The following KLRG1 variants were observed in gnomAD, a reference collection of about 807,000 sequenced individuals.
The protein encoded by KLRG1 is killer cell lectin-like receptor subfamily G member 1.
In KLRG1, 16 loss-of-function variants were observed where a neutral mutation model predicts 21.8. The ratio of observed to expected loss-of-function variants is 0.73; its 90% CI spans 0.50 to 1.11. KLRG1 has a LOEUF of 1.11. Ranked by LOEUF, KLRG1 falls within the 50% of genes most tolerant of loss-of-function variation. KLRG1 has a pLI of 0.00. For missense variants in KLRG1, 173 were observed against 218.3 expected (o/e 0.79, Z 1.31); for synonymous variants, 69 against 75.9 (o/e 0.91, Z 0.47).
the KLRG1 span, among the ~76,000 whole-genome samples, chr12:9,180,331 C>T: frequency 2.6e-5 from 4 of 152,014 alleles, no homozygotes; most frequent in African/African-American, 9.7e-5. Context: ...AAAAAGAGCC[C>T]GCATCGCCAA....
At chr12:9,028,926 C>T in the KLRG1 span, 1 of 634,278 alleles carries the variant, frequency 1.6e-6, no homozygotes, top group Non-Finnish European at 3.0e-6. Context: ...ACCCAAAGCC[C>T]CTGCAACCTT....
the KLRG1 span, among the ~76,000 whole-genome samples, chr12:9,045,416 T>C: frequency 6.6e-6 from 1 of 152,086 alleles, no homozygotes. Context: ...ACATAAAACC[T>C]CATGATAACT....
chr12:9,067,847 A>G, the KLRG1 span: 2 of 1,611,656 alleles, frequency 1.2e-6, no homozygotes, highest in Non-Finnish European at 8.5e-7. Context: ...GATCTGTGAC[A>G]TTGGAAAGAA....
intron 1 of KLRG1, among the ~76,000 whole-genome samples, chr12:8,963,263 A>G (rs1946409977): frequency 6.6e-6 from 1 of 152,154 alleles, no homozygotes; most frequent in Non-Finnish European, 1.5e-5. Context: ...CCACTAAAAG[A>G]TATATTAAAG....
At position 8,992,309 on chromosome 12, in the gene KLRG1, G is replaced by C; in HGVS notation, c.186G>C (p.Gln62His). The C allele has an allele frequency of 6.2e-7, 1 of 1,603,352 alleles. No homozygotes were observed. The highest frequency in any genetic ancestry group is 8.5e-7 in the Non-Finnish European group (1 of 1,174,690). The stretch of plus-strand genomic sequence containing the variant: ...TGCTATACCAGTGGATCCTGTGCCA[G>C]GGTAAGTGCAAACTTAAACCAAAAT... ...SVLLYQWILCQGSNYSTCASC... is the reference protein window; with the variant it reads ...SVLLYQWILCHGSNYSTCASC... The change falls in exon 2 of 5, where the codon CAG becomes CAC. Residue 62 changes from glutamine to histidine, a missense_variant and splice_region_variant. By Grantham distance (24) the Gln-to-His change is conservative. Around this residue, in one of 3 missense-constraint regions of KLRG1, gnomAD observed 144 missense variants for 161.5 expected, o/e 0.89. Transcript: ENST00000356986.
At chr12:9,095,802 G>A in the KLRG1 span, 1 of 1,014,262 alleles carries the variant, frequency 9.9e-7, no homozygotes, top group East Asian at 2.8e-5. Flanking sequence ...GCCCAGGCCG[G>A]ACCGCGGACT....
the KLRG1 span, among the ~76,000 whole-genome samples, chr12:9,103,776 G>A: frequency 1.5e-4 from 23 of 152,124 alleles, no homozygotes; most frequent in Non-Finnish European, 2.9e-4. Flanking sequence ...ATATTCTGTT[G>A]TATTTATATA....
the KLRG1 span, chr12:9,148,969 T>G: frequency 6.2e-7 from 1 of 1,609,832 alleles, no homozygotes; most frequent in South Asian, 1.1e-5. Context: ...GCCTGTATGG[T>G]CCTCAAACAT....
chr12:9,099,506 T>A, the KLRG1 span: 2 of 1,609,056 alleles, frequency 1.2e-6, no homozygotes, highest in African/African-American at 1.3e-5. Flanking sequence ...GGGATTGAGA[T>A]GGAAAAATGG....
the KLRG1 span, chr12:9,192,556 T>C: frequency 1.2e-6 from 2 of 1,614,202 alleles, no homozygotes; most frequent in Non-Finnish European, 1.7e-6. Flanking sequence ...ATGGCCTGTC[T>C]ATTCAGTGTA....
At chr12:9,114,982 A>T in the KLRG1 span, among the ~76,000 whole-genome samples, 1 of 152,168 alleles carries the variant, frequency 6.6e-6, no homozygotes, top group Non-Finnish European at 1.5e-5. Flanking sequence ...CCCCCAGTGA[A>T]TTTATGCATC....
At chr12:9,143,449 T>C in the KLRG1 span, among the ~76,000 whole-genome samples, 1 of 151,940 alleles carries the variant, frequency 6.6e-6, no homozygotes, top group African/African-American at 2.4e-5. Context: ...AGGGCATTCA[T>C]CTGTAGGGTC....
At chr12:9,086,580 A>G in the KLRG1 span, among the ~76,000 whole-genome samples, 1 of 152,256 alleles carries the variant, frequency 6.6e-6, no homozygotes, top group African/African-American at 2.4e-5. Context: ...AGTATTTGAC[A>G]GAATTCAATG....
At chr12:8,971,077 G>T (rs1946559264) in intron 1 of KLRG1, 1 of 152,104 alleles carries the variant, frequency 6.6e-6, no homozygotes, top group South Asian at 2.1e-4. Context: ...TTTTTTGTCA[G>T]GTTTGGTATC....
At chr12:9,027,158 G>C in the KLRG1 span, among the ~76,000 whole-genome samples, 1 of 151,890 alleles carries the variant, frequency 6.6e-6, no homozygotes, top group Non-Finnish European at 1.5e-5. Flanking sequence ...TGTGTGTGAG[G>C]TGAGAACACT....
the KLRG1 span, chr12:9,093,503 G>A: frequency 3.7e-6 from 6 of 1,613,928 alleles, no homozygotes; most frequent in East Asian, 8.9e-5. Context: ...TCTCAGGGAA[G>A]TACTTTCGTA....
the KLRG1 span, chr12:9,151,644 G>A: frequency 5.0e-6 from 8 of 1,613,928 alleles, 1 homozygote; most frequent in South Asian, 6.6e-5. Context: ...GCTCACTTCT[G>A]TCCGGCTCAC....
the KLRG1 span, among the ~76,000 whole-genome samples, chr12:9,029,299 T>C: frequency 6.6e-6 from 1 of 152,200 alleles, no homozygotes; most frequent in African/African-American, 2.4e-5. Context: ...CACTGCAACC[T>C]CTGCCTCCTG....
chr12:9,009,169 A>C lies in KLRG1; in HGVS notation c.458+94A>C, dbSNP rs7133355. 6,814 of 992,272 alleles carry C rather than the reference A, an allele frequency of 6.9e-3. 169 individuals carry two copies. The African/African-American group carries it at 0.076, about 11-fold the overall frequency. The allele number at this position is 992,272 out of a possible 1,614,324, so 61.5% of individuals were successfully genotyped here. ...GGAATAGATAAAGAAGAGCAGATGG[A>C]GAGGAGAGGAAAGAATGAAAAGGAG... On this transcript the variant is annotated intron_variant, in intron 4 of 4. Transcript: ENST00000356986.
Sources: allele counts gnomAD v4.1 joint callset (sites outside exome capture counted in the v4.1 genomes callset), GRCh38; gene constraint gnomAD v4.1.1; regional missense constraint gnomAD v4.1.1; transcripts MANE v1.5; gene names NCBI Gene and HGNC (gene_info 2026-07-23, HGNC 2026-07-21).